SLC66A2: variants seen among roughly 807,000 people sequenced by gnomAD.
The protein encoded by SLC66A2 is solute carrier family 66 member 2, also known as PQ loop repeat containing 1.
In SLC66A2, 23 loss-of-function variants were observed where a neutral mutation model predicts 25.5. That is an observed-to-expected ratio of 0.90 (90% CI 0.65 to 1.28). SLC66A2 has a LOEUF of 1.28. Ranked by LOEUF, SLC66A2 falls within the 50% of genes most tolerant of loss-of-function variation. SLC66A2 has a pLI of 0.00. For synonymous variants in SLC66A2, 193 were observed against 166.5 expected, an observed-to-expected ratio of 1.16 and a Z score of -1.23; for missense variants, 396 against 373.1, an observed-to-expected ratio of 1.06 and a Z score of -0.51.
chr18:79,929,192 G>A (rs1369326872), intron 4 of SLC66A2, among the ~76,000 whole-genome samples: 2 of 152,200 alleles, frequency 1.3e-5, no homozygotes, highest in African/African-American at 4.8e-5. Context: ...AGCACTCCTG[G>A]GAACAGAACC....
At chr18:79,942,983 C>T (rs1238496341) in intron 3 of SLC66A2, among the ~76,000 whole-genome samples, 1 of 152,180 alleles carries the variant, frequency 6.6e-6, no homozygotes, top group East Asian at 1.9e-4. Flanking sequence ...AGACGAAACG[C>T]CTGACCTGGT....
rs1986060352 is a variant in SLC66A2 at position 79,927,224 on chromosome 18, A to T, written c.391+6745T>A. On this transcript the variant is annotated intron_variant, in intron 4 of 5. Transcript: ENST00000397778. This position sits in a 1 kb window ranked among gnomAD's most constrained non-coding sequence, Gnocchi z 6.2. ...GAGGGAACAAACAGGCACTGCCCAG[A>T]CCCGGAGCTGCAGGCAGGGCTCAGC... Among the ~76,000 whole-genome samples, 1 of 152,098 alleles carries T rather than the reference A, an allele frequency of 6.6e-6. No individual in the cohort carries two copies. The highest frequency in any genetic ancestry group is 1.5e-5 in the Non-Finnish European group (1 of 68,026).
chr18:79,950,851 C>T lies in SLC66A2; in HGVS notation c.76G>A (p.Val26Ile), dbSNP rs1314498910. Reference protein sequence around the residue: ...LVSWGAAAAMVFGGVVPYVPQ... With the variant: ...LVSWGAAAAMIFGGVVPYVPQ... ...ACGTAGGGCACCACCCCTCCGAAGACCATGGCCGCGGCCGCGCCCCAGGAC... is the reference window on the plus strand; with the variant it reads ...ACGTAGGGCACCACCCCTCCGAAGATCATGGCCGCGGCCGCGCCCCAGGAC... The change falls in exon 2 of 6, where the codon GTC becomes ATC. Residue 26 changes from valine to isoleucine, a missense_variant. Physicochemically the swap from Val to Ile is conservative, Grantham distance 29 (BLOSUM62 3). Coordinates refer to ENST00000397778, the MANE Select transcript of SLC66A2 (RefSeq NM_025078.5). The T allele has an allele frequency of 6.2e-7, 1 of 1,611,166 alleles. No homozygotes were observed. The highest frequency in any genetic ancestry group is 2.2e-5 in the East Asian group (1 of 44,748).
rs552706697 is a variant in SLC66A2, at chr18:79,943,318, C to G, written c.337+11G>C. On this transcript the variant is annotated intron_variant, in intron 3 of 5. Transcript: ENST00000397778. Reference sequence around the variant, plus strand: ...TCCCTGCGACTTTATTCCGAAGCGCCGGCCACCAACCTGTAAAGGAGCGGC... The same window carrying G: ...TCCCTGCGACTTTATTCCGAAGCGCGGGCCACCAACCTGTAAAGGAGCGGC... 1.2e-6 allele frequency: 2 copies of G among 1,612,818 alleles called. No homozygotes were observed. The highest frequency in any genetic ancestry group is 1.1e-5 in the South Asian group (1 of 90,966).
intron 4 of SLC66A2, among the ~76,000 whole-genome samples, chr18:79,930,906 A>G (rs1986505879): frequency 6.6e-6 from 1 of 152,244 alleles, no homozygotes; most frequent in African/African-American, 2.4e-5. Context: ...ATATATGTAG[A>G]CAAAATATGT....
At chr18:79,913,810 G>A (rs1457957641) in intron 5 of SLC66A2, among the ~76,000 whole-genome samples, 1 of 152,174 alleles carries the variant, frequency 6.6e-6, no homozygotes, top group Non-Finnish European at 1.5e-5. Context: ...CAGCATCTAC[G>A]CCTCCCTCAC....
At position 79,937,427 on chromosome 18, in the gene SLC66A2, G is replaced by C. The variant is rs1290974072; in HGVS notation, c.338-3405C>G. ...ACCAAACGTCCAACTCACATGTTCAGAATGACTCAGAAACATGCACTCATC... is the reference window on the plus strand; with the variant it reads ...ACCAAACGTCCAACTCACATGTTCACAATGACTCAGAAACATGCACTCATC... On this transcript the variant is annotated intron_variant, in intron 3 of 5. Transcript: ENST00000397778. This position sits in a 1 kb window ranked among gnomAD's most constrained non-coding sequence, Gnocchi z 5.4. Among the ~76,000 whole-genome samples, 3 of 152,208 alleles carry C rather than the reference G, an allele frequency of 2.0e-5. No homozygotes were observed. Among genetic ancestry groups the C allele is most frequent in the Non-Finnish European group, 4.4e-5 (3 of 68,040 alleles).
chr18:79,907,800 T>C (rs1260302738), intron 5 of SLC66A2, among the ~76,000 whole-genome samples: 2 of 152,198 alleles, frequency 1.3e-5, no homozygotes, highest in Admixed American at 6.5e-5. Flanking sequence ...GTATCTAGTG[T>C]GTAGGGGACC....
At chr18:79,934,067 AG>A in intron 3 of SLC66A2, 45 bp from the exon 4 acceptor site, 6 of 1,506,948 alleles carry the variant, frequency 4.0e-6, no homozygotes, top group Non-Finnish European at 5.5e-6. Flanking sequence ...GGAAAAAGAC[AG>A]AAACATACTG....
intron 4 of SLC66A2, among the ~76,000 whole-genome samples, chr18:79,923,389 C>T (rs773062238): frequency 4.0e-5 from 6 of 151,882 alleles, no homozygotes; most frequent in South Asian, 2.1e-4. Flanking sequence ...AGGCTGTGCA[C>T]GGTGGGCTGC....
intron 5 of SLC66A2, among the ~76,000 whole-genome samples, chr18:79,905,625 C>T (rs770671177): frequency 1.6e-4 from 24 of 152,372 alleles, no homozygotes; most frequent in East Asian, 5.8e-4. Context: ...CGGTCACCTT[C>T]GCCCCACGCA....
chr18:79,904,556 C>T lies in SLC66A2; in HGVS notation c.609-373G>A, dbSNP rs979921781. ...CTCGAGGCTACAGGGGACAGCAGGG[C>T]GAGCAGCTGACGTCAGGGCCCCTGG... is the stretch of plus-strand genomic sequence containing the variant. On this transcript the variant is annotated intron_variant, in intron 5 of 5. Transcript: ENST00000397778. This position sits in a 1 kb window ranked among gnomAD's most constrained non-coding sequence, Gnocchi z 6.3. Among the ~76,000 whole-genome samples the T allele has an allele frequency of 6.6e-6, 1 of 152,134 alleles. No homozygotes were observed. The highest frequency in any genetic ancestry group is 1.5e-5 in the Non-Finnish European group (1 of 68,002).
Position 79,941,294 on chromosome 18 carries a change from G to A in SLC66A2, c.337+2035C>T, listed in dbSNP as rs8093291. 0.24 allele frequency among the ~76,000 whole-genome samples: 36,488 copies of A among 151,972 alleles called. 4,849 individuals carry two copies. The highest frequency in any genetic ancestry group is 0.32 in the Middle Eastern group (93 of 294). ...TCCAGCACCTGACCATCTCCTCTGC[G>A]GCCCTTGTTCACGTCTGAGGACCCC... On this transcript the variant is annotated intron_variant, in intron 3 of 5. Transcript: ENST00000397778. This position sits in a 1 kb window ranked among gnomAD's most constrained non-coding sequence, Gnocchi z 4.1.
rs1986935382 is a variant in SLC66A2, at chr18:79,934,989, AG to A, written c.338-968del. ...TTTTATAAACCAATGCAGCATACAA[AG>A]TGCAGTCTTCTCTCCTCCCTCAGCC... On this transcript the variant is annotated intron_variant, in intron 3 of 5. Transcript: ENST00000397778. Among the ~76,000 whole-genome samples, 5 of 152,284 alleles carry A rather than the reference AG, an allele frequency of 3.3e-5. No individual in the cohort carries two copies. In the South Asian group the frequency reaches 1.0e-3, roughly 32 times the overall value.
chr18:79,916,692 C>G (rs1035289104), intron 5 of SLC66A2, among the ~76,000 whole-genome samples: 1 of 152,258 alleles, frequency 6.6e-6, no homozygotes, highest in East Asian at 1.9e-4. Context: ...GCGGCAGCCC[C>G]ACTCCACGAG....
At chr18:79,924,460 G>A (rs1985685473) in intron 4 of SLC66A2, among the ~76,000 whole-genome samples, 1 of 152,208 alleles carries the variant, frequency 6.6e-6, no homozygotes, top group Admixed American at 6.5e-5. Context: ...CTGGTTCGAA[G>A]GGGTTTCTTT....
intron 3 of SLC66A2, among the ~76,000 whole-genome samples, chr18:79,938,568 A>G (rs9955995): frequency 0.15 from 22,560 of 152,240 alleles, 1,818 homozygotes; most frequent in South Asian, 0.22. Flanking sequence ...AATTATGCCA[A>G]TTTTGTGAAA....
In SLC66A2 at chr18:79,931,660, A is replaced by G. The variant is rs902240249; in HGVS notation, c.391+2309T>C. 7.9e-5 allele frequency among the ~76,000 whole-genome samples: 12 copies of G among 152,238 alleles called. No individual in the cohort carries two copies. In the East Asian group the frequency reaches 2.3e-3, roughly 29 times the overall value. ...TTCACCCAACCACAGCAAAATGCAC[A>G]TTGAATATTCTCCAGGACAGATCAT... is the stretch of plus-strand genomic sequence containing the variant. On this transcript the variant is annotated intron_variant, in intron 4 of 5. Coordinates refer to ENST00000397778, the MANE Select transcript of SLC66A2 (RefSeq NM_025078.5).
intron 5 of SLC66A2, among the ~76,000 whole-genome samples, chr18:79,916,164 C>CG (rs1984069106): frequency 1.7e-5 from 1 of 59,004 alleles, no homozygotes; most frequent in African/African-American, 4.7e-5. Flanking sequence ...CTCTCGTACC[C>CG]GCAGTGCTCC....
Sources: allele counts gnomAD v4.1 joint callset (sites outside exome capture counted in the v4.1 genomes callset), GRCh38; gene constraint gnomAD v4.1.1; non-coding constraint Gnocchi (gnomAD v3.1); transcripts MANE v1.5; gene names NCBI Gene and HGNC (gene_info 2026-07-23, HGNC 2026-07-21).